TMEM132B: variants seen among roughly 807,000 people sequenced by gnomAD.
The protein encoded by TMEM132B is transmembrane protein 132B.
TMEM132B carries 18 observed loss-of-function variants against 90.8 expected under a neutral mutation model. That is an observed-to-expected ratio of 0.20 (90% CI 0.14 to 0.29). The LOEUF (loss-of-function observed/expected upper bound fraction) is 0.29, where lower values mean the gene tolerates loss of function less well. Ranked by LOEUF, TMEM132B falls within the 10% of genes least tolerant of loss-of-function variation. TMEM132B has a pLI of 1.00. For synonymous variants in TMEM132B, 504 were observed against 523.3 expected (o/e 0.96, Z 0.50); for missense variants, 1,096 against 1,326.8 (o/e 0.83, Z 2.70).
chr12:125,480,451 C>T (rs947264057), intron 3 of TMEM132B, among the ~76,000 whole-genome samples: 1 of 152,156 alleles, frequency 6.6e-6, no homozygotes, highest in Non-Finnish European at 1.5e-5. Flanking sequence ...CACAGAAATA[C>T]AAACTACTGT....
Position 125,607,449 on chromosome 12 carries a change from A to G in TMEM132B, c.1437+23455A>G, listed in dbSNP as rs560054776. 6.0e-4 allele frequency among the ~76,000 whole-genome samples: 91 copies of G among 152,292 alleles called. 1 individual carries two copies. Among genetic ancestry groups the G allele is most frequent in the African/African-American group, 2.1e-3 (88 of 41,564 alleles). On this transcript the variant is annotated intron_variant, in intron 5 of 8. Coordinates refer to ENST00000682704, the MANE Select transcript of TMEM132B (RefSeq NM_001366854.1). The stretch of plus-strand genomic sequence containing the variant: ...CTGATCAATTGGCTGCCTGTGATTG[A>G]CTGAAGCTCGGTTGCTGTGGTTGGT...
At chr12:125,381,398 G>A (rs776950098) in intron 2 of TMEM132B, among the ~76,000 whole-genome samples, 6 of 152,164 alleles carry the variant, frequency 3.9e-5, no homozygotes, top group Non-Finnish European at 5.9e-5. Flanking sequence ...TCCCTGGGAC[G>A]TCATACCACT....
intron 1 of TMEM132B, among the ~76,000 whole-genome samples, chr12:125,194,277 G>T (rs573087043): frequency 6.6e-6 from 1 of 151,912 alleles, no homozygotes; most frequent in South Asian, 2.1e-4. Flanking sequence ...TTGGTGGGGG[G>T]GTCTTACTCA....
chr12:125,434,593 C>A (rs1880644812), intron 3 of TMEM132B, among the ~76,000 whole-genome samples: 1 of 152,210 alleles, frequency 6.6e-6, no homozygotes, highest in African/African-American at 2.4e-5. Context: ...CTCCCCACAA[C>A]ACCTGATTCC....
At chr12:125,316,995 C>A (rs1446877384) in intron 1 of TMEM132B, among the ~76,000 whole-genome samples, 2 of 152,184 alleles carry the variant, frequency 1.3e-5, no homozygotes, top group African/African-American at 4.8e-5. Context: ...AACCCACCTA[C>A]CTCTTGTTCC....
At chr12:125,526,755 C>A (rs986168827) in intron 4 of TMEM132B, among the ~76,000 whole-genome samples, 1 of 150,326 alleles carries the variant, frequency 6.7e-6, no homozygotes, top group Non-Finnish European at 1.5e-5. Context: ...GTCATGGACA[C>A]CAGGGTGGGG....
chr12:125,604,725 A>AT (rs370920762), intron 5 of TMEM132B, among the ~76,000 whole-genome samples: 74 of 152,274 alleles, frequency 4.9e-4, no homozygotes, highest in African/African-American at 1.7e-3. Context: ...CCTGTAGAGG[A>AT]TTTTTTCGTT....
At chr12:125,593,433 G>C (rs1593010953) in intron 5 of TMEM132B, among the ~76,000 whole-genome samples, 2 of 152,176 alleles carry the variant, frequency 1.3e-5, no homozygotes, top group Admixed American at 6.5e-5. Flanking sequence ...AAGCCTCCCA[G>C]CTCCACCTGC....
intron 2 of TMEM132B, among the ~76,000 whole-genome samples, chr12:125,387,796 TATCC>T (rs34127585): frequency 2.0e-5 from 3 of 152,176 alleles, no homozygotes; most frequent in Admixed American, 6.5e-5. Context: ...ATTTATCCGT[TATCC>T]ATCCATCCAT....
In TMEM132B at chr12:125,213,998, G is replaced by T. The variant is rs747346772; in HGVS notation, c.67+27132G>T. On this transcript the variant is annotated intron_variant, in intron 1 of 8. Coordinates refer to ENST00000682704, the MANE Select transcript of TMEM132B (RefSeq NM_001366854.1). This position sits in a 1 kb window ranked among gnomAD's most constrained non-coding sequence, Gnocchi z 4.2. ...AGTTTGGGGGATAGAGAGAACAATA[G>T]TACCCCTTCGTCAGTGAGCTCTCAG... is the stretch of plus-strand genomic sequence containing the variant. Among the ~76,000 whole-genome samples, 7 of 152,216 alleles carry T rather than the reference G, an allele frequency of 4.6e-5. No homozygotes were observed. Among genetic ancestry groups the T allele is most frequent in the Non-Finnish European group, 1.0e-4 (7 of 68,046 alleles).
At chr12:125,258,861 C>T (rs765539364) in intron 1 of TMEM132B, among the ~76,000 whole-genome samples, 6 of 152,186 alleles carry the variant, frequency 3.9e-5, no homozygotes, top group Non-Finnish European at 7.3e-5. Context: ...GGCCTCTCTG[C>T]AAGGTGTCAT....
chr12:125,617,252 G>A lies in TMEM132B; in HGVS notation c.1438-26824G>A, dbSNP rs147951085. Among the ~76,000 whole-genome samples, 513 of 151,926 alleles carry A rather than the reference G, an allele frequency of 3.4e-3. 4 individuals are homozygous for A. The highest frequency in any genetic ancestry group is 0.011 in the African/African-American group (474 of 41,404). ...AAAGTCTATTTCCCTTCCAATGTGA[G>A]CACCTTATGTCACTTCTCAGAAGGC... On this transcript the variant is annotated intron_variant, in intron 5 of 8. Coordinates refer to ENST00000682704, the MANE Select transcript of TMEM132B (RefSeq NM_001366854.1).
At chr12:125,551,643 C>A in intron 4 of TMEM132B, among the ~76,000 whole-genome samples, 1 of 139,872 alleles carries the variant, frequency 7.1e-6, no homozygotes, top group South Asian at 2.3e-4. Flanking sequence ...AACCTTTTCT[C>A]TTTTCATTTT....
Position 125,251,097 on chromosome 12 carries a change from C to T in TMEM132B, c.67+64231C>T, listed in dbSNP as rs1874308400. On this transcript the variant is annotated intron_variant, in intron 1 of 8. Coordinates refer to ENST00000682704, the MANE Select transcript of TMEM132B (RefSeq NM_001366854.1). This position sits in a 1 kb window ranked among gnomAD's most constrained non-coding sequence, Gnocchi z 4.4. ...AGCAGTGCTCAGGAGTGAGTGGCAT[C>T]CCCTTTGATTTCTTCAGTAGGACAT... Among the ~76,000 whole-genome samples, 1 of 152,170 alleles carries T rather than the reference C, an allele frequency of 6.6e-6. No individual in the cohort carries two copies. The highest frequency in any genetic ancestry group is 1.5e-5 in the Non-Finnish European group (1 of 68,024).
At chr12:125,615,804 G>A (rs1885972268) in intron 5 of TMEM132B, among the ~76,000 whole-genome samples, 1 of 152,120 alleles carries the variant, frequency 6.6e-6, no homozygotes, top group Non-Finnish European at 1.5e-5. Context: ...AGGGGCCAAG[G>A]CTAAACTTCC....
intron 1 of TMEM132B, among the ~76,000 whole-genome samples, chr12:125,232,034 A>G (rs918705230): frequency 6.6e-6 from 1 of 152,170 alleles, no homozygotes; most frequent in Non-Finnish European, 1.5e-5. Flanking sequence ...ACTTTTTTGC[A>G]CTTTGATATA....
chr12:125,222,743 C>T (rs1222377763), intron 1 of TMEM132B, among the ~76,000 whole-genome samples: 1 of 152,214 alleles, frequency 6.6e-6, no homozygotes, highest in East Asian at 1.9e-4. Flanking sequence ...ATGTTCAGCA[C>T]CATCCCTGGC....
chr12:125,440,534 A>G (rs950957471), intron 3 of TMEM132B, among the ~76,000 whole-genome samples: 27 of 152,238 alleles, frequency 1.8e-4, no homozygotes, highest in African/African-American at 5.8e-4. Flanking sequence ...ACCCGCGATT[A>G]TTTTCCCGTT....
chr12:125,498,894 G>C lies in TMEM132B; in HGVS notation c.1107-20545G>C, dbSNP rs1882624784. ...TGCAGGTTTCCTGTGGGTTATCTTT[G>C]GGGAAAGTGACCTGGACCTGTTGGT... On this transcript the variant is annotated intron_variant, in intron 3 of 8. Transcript: ENST00000682704. The surrounding 1 kb of genome is among the most constrained non-coding windows in gnomAD (Gnocchi z 4.5). Among the ~76,000 whole-genome samples, 1 of 152,198 alleles carries C rather than the reference G, an allele frequency of 6.6e-6. No individual in the cohort carries two copies.
Sources: gnomAD v4.1 joint callset for allele counts (sites outside exome capture counted in the v4.1 genomes callset) on GRCh38, gnomAD v4.1.1 for gene constraint, Gnocchi (gnomAD v3.1) non-coding constraint, MANE v1.5 for transcripts, NCBI Gene and HGNC (gene_info 2026-07-23, HGNC 2026-07-21) for gene names.